The following SYN3 variants were observed in gnomAD, a reference collection of about 807,000 sequenced individuals.
SYN3 encodes the protein synapsin-3.
In SYN3, 35 loss-of-function variants were observed where a neutral mutation model predicts 65.8. That is an observed-to-expected ratio of 0.53 (90% CI 0.41 to 0.70). The LOEUF is 0.70. Ranked by LOEUF, SYN3 falls within the 30% of genes least tolerant of loss-of-function variation. The probability of loss-of-function intolerance (pLI) is 0.00; values close to 1 mark genes in which losing one functional copy is unlikely to be tolerated. For synonymous variants in SYN3, 270 were observed against 292.9 expected (o/e 0.92, Z 0.80); for missense variants, 680 against 749.0 (o/e 0.91, Z 1.08).
chr22:32,649,633 G>A (rs743758), intron 6 of SYN3, among the ~76,000 whole-genome samples: 51,660 of 151,834 alleles, frequency 0.34, 9,425 homozygotes, highest in East Asian at 0.74. Flanking sequence ...AACTAGCTTC[G>A]CGGCTGGGCC....
chr22:33,006,438 T>C lies in SYN3; in HGVS notation c.225A>G (p.Ser75=). 1 of 1,614,114 alleles carries C rather than the reference T, an allele frequency of 6.2e-7. No homozygotes were observed. The highest frequency in any genetic ancestry group is 8.5e-7 in the Non-Finnish European group (1 of 1,180,008). ...SAMKQAPQAT[S]GLMEPPGPST... is the part of the protein sequence containing the mutation. ...AGGGACCTGGAGGCTCCATCAGTCC[T>C]GAGGTGGCCTGAGGGGCCTGCTTCA... The change falls in exon 2 of 14, where the codon TCA becomes TCG. Residue 75 remains serine, a synonymous_variant. Coordinates refer to ENST00000358763, the MANE Select transcript of SYN3 (RefSeq NM_003490.4).
chr22:32,981,256 T>C (rs2052365196), intron 2 of SYN3, among the ~76,000 whole-genome samples: 3 of 151,748 alleles, frequency 2.0e-5, no homozygotes, highest in Non-Finnish European at 4.4e-5. Context: ...CCTCTCTGCA[T>C]CTCAGTTTTA....
chr22:32,769,514 G>GT (rs1555954084), intron 6 of SYN3, among the ~76,000 whole-genome samples: 2 of 54,286 alleles, frequency 3.7e-5, no homozygotes, highest in Non-Finnish European at 6.5e-5. Context: ...TGACTTCTGT[G>GT]TTTGTTTTTT....
chr22:32,890,369 C>T (rs2049410513), intron 4 of SYN3, among the ~76,000 whole-genome samples: 1 of 152,054 alleles, frequency 6.6e-6, no homozygotes, highest in Non-Finnish European at 1.5e-5. Flanking sequence ...GCCACTGTGC[C>T]TGGCCTGATT....
intron 6 of SYN3, among the ~76,000 whole-genome samples, chr22:32,708,806 T>C (rs1488818480): frequency 6.6e-6 from 1 of 152,242 alleles, no homozygotes; most frequent in East Asian, 1.9e-4. Context: ...GCAAGATGCA[T>C]GTGCTGTTGG....
At chr22:32,707,552 C>T (rs1317921321) in intron 6 of SYN3, among the ~76,000 whole-genome samples, 1 of 152,190 alleles carries the variant, frequency 6.6e-6, no homozygotes, top group East Asian at 1.9e-4. Flanking sequence ...CTGTGTACCT[C>T]CAGGTAAGTA....
intron 3 of SYN3, among the ~76,000 whole-genome samples, chr22:32,939,595 T>C (rs1407520278): frequency 6.6e-6 from 1 of 152,220 alleles, no homozygotes; most frequent in Non-Finnish European, 1.5e-5. Context: ...GTTCGTGAAC[T>C]TGCTATAAAT....
intron 6 of SYN3, chr22:32,858,257 C>T (rs1489877177): frequency 1.4e-6 from 2 of 1,443,254 alleles, no homozygotes; most frequent in Non-Finnish European, 1.9e-6. Context: ...ATGTGTTAGG[C>T]CAGGGCAGAG....
intron 6 of SYN3, among the ~76,000 whole-genome samples, chr22:32,739,858 A>G (rs1231148335): frequency 6.6e-6 from 1 of 152,218 alleles, no homozygotes; most frequent in African/African-American, 2.4e-5. Context: ...CTCTAATGCC[A>G]GTGCTCTTTT....
chr22:32,690,685 C>T (rs2060650581), intron 6 of SYN3, among the ~76,000 whole-genome samples: 1 of 152,194 alleles, frequency 6.6e-6, no homozygotes, highest in Non-Finnish European at 1.5e-5. Context: ...TCCCTGCATC[C>T]CTCCACCAGG....
chr22:32,963,507 T>TATGG (rs919534443), intron 3 of SYN3, among the ~76,000 whole-genome samples: 96 of 152,138 alleles, frequency 6.3e-4, no homozygotes, highest in Admixed American at 1.8e-3. Context: ...AGCATAAGTA[T>TATGG]ATGGATGGAT....
At chr22:32,878,681 CTCT>C (rs1212422653) in intron 4 of SYN3, among the ~76,000 whole-genome samples, 1 of 152,220 alleles carries the variant, frequency 6.6e-6, no homozygotes, top group African/African-American at 2.4e-5. Flanking sequence ...CCACAATGCT[CTCT>C]TCAACCTTTT....
intron 4 of SYN3, among the ~76,000 whole-genome samples, chr22:32,878,920 C>T (rs527613703): frequency 6.6e-6 from 1 of 152,016 alleles, no homozygotes; most frequent in Non-Finnish European, 1.5e-5. Flanking sequence ...CCTGCATGGC[C>T]CTTGTGACTT....
At chr22:32,603,228 G>C (rs890935389) in intron 6 of SYN3, among the ~76,000 whole-genome samples, 1 of 151,832 alleles carries the variant, frequency 6.6e-6, no homozygotes, top group Admixed American at 6.6e-5. Flanking sequence ...AAAACACAGC[G>C]CTGGCCGGGC....
chr22:32,703,809 A>T (rs1008029352), intron 6 of SYN3, among the ~76,000 whole-genome samples: 1 of 151,916 alleles, frequency 6.6e-6, no homozygotes, highest in East Asian at 1.9e-4. Flanking sequence ...AAATCAATCT[A>T]CTCATCAGGA....
intron 1 of SYN3, among the ~76,000 whole-genome samples, chr22:33,052,583 CAA>C (rs58956477): frequency 1.0e-4 from 11 of 107,782 alleles, no homozygotes; most frequent in Admixed American, 1.9e-4. Flanking sequence ...AGAAGAGGAA[CAA>C]AAAAAAAAAA....
At chr22:32,943,159 T>C (rs1374231400) in intron 3 of SYN3, among the ~76,000 whole-genome samples, 1 of 151,938 alleles carries the variant, frequency 6.6e-6, no homozygotes, top group Non-Finnish European at 1.5e-5. Context: ...TTCACCAAAG[T>C]TGAAATGAAG....
At chr22:32,993,175 T>C (rs901465470) in intron 2 of SYN3, among the ~76,000 whole-genome samples, 1 of 150,898 alleles carries the variant, frequency 6.6e-6, no homozygotes, top group Non-Finnish European at 1.5e-5. Flanking sequence ...AGGGACCCAA[T>C]GGCCCCATCT....
chr22:33,004,424 G>A (rs2053147031), intron 2 of SYN3, among the ~76,000 whole-genome samples: 1 of 152,232 alleles, frequency 6.6e-6, no homozygotes, highest in Non-Finnish European at 1.5e-5. Flanking sequence ...AGCATTACCT[G>A]GATGTGAGAC....
Sources: allele counts gnomAD v4.1 joint callset (sites outside exome capture counted in the v4.1 genomes callset), GRCh38; gene constraint gnomAD v4.1.1; transcripts MANE v1.5; gene names NCBI Gene and HGNC (gene_info 2026-07-23, HGNC 2026-07-21).